The following OTOP1 variants were observed in gnomAD, a reference collection of about 807,000 sequenced individuals.
OTOP1 encodes otopetrin 1.
Under a neutral mutation model 52.9 loss-of-function variants are expected in OTOP1, and 59 were observed. That is an observed-to-expected ratio of 1.12 (90% confidence interval 0.91 to 1.39). OTOP1 has a LOEUF of 1.39. OTOP1 is among the 40% of genes most tolerant of loss of function. The probability of loss-of-function intolerance (pLI) is 0.00; values close to 1 mark genes in which losing one functional copy is unlikely to be tolerated. For synonymous variants in OTOP1, 317 were observed against 337.7 expected (o/e 0.94, Z 0.67); for missense variants, 761 against 800.9 (o/e 0.95, Z 0.60).
intron 4 of OTOP1, 55 bp downstream of exon 4, chr4:4,202,393 G>T: frequency 6.2e-7 from 1 of 1,607,300 alleles, no homozygotes; most frequent in Non-Finnish European, 8.5e-7. Flanking sequence ...GACTCTGCAG[G>T]TTTCCAAGAC....
intron 1 of OTOP1, among the ~76,000 whole-genome samples, chr4:4,223,746 C>G (rs1261139045): frequency 6.6e-6 from 1 of 151,582 alleles, no homozygotes; most frequent in Non-Finnish European, 1.5e-5. Flanking sequence ...CTAAAAAATA[C>G]AAAAATTAGC....
At chr4:4,191,740 C>T (rs1316000199) in intron 5 of OTOP1, among the ~76,000 whole-genome samples, 1 of 152,210 alleles carries the variant, frequency 6.6e-6, no homozygotes, top group Non-Finnish European at 1.5e-5. Flanking sequence ...CACAGGTACA[C>T]TATAAGGTGT....
At chr4:4,207,049 C>T (rs948741601) in intron 2 of OTOP1, among the ~76,000 whole-genome samples, 4 of 152,176 alleles carry the variant, frequency 2.6e-5, no homozygotes, top group Admixed American at 2.6e-4. Context: ...AATCTTTATT[C>T]TCTAGTTATA....
At chr4:4,195,950 C>T (rs746627822) in intron 5 of OTOP1, among the ~76,000 whole-genome samples, 2 of 152,164 alleles carry the variant, frequency 1.3e-5, no homozygotes, top group African/African-American at 2.4e-5. Flanking sequence ...TAGTACCCTG[C>T]CCAGCCCCTA....
chr4:4,220,105 AT>A lies in OTOP1; in HGVS notation c.403+6356del, dbSNP rs1183792130. 3.6e-3 allele frequency among the ~76,000 whole-genome samples: 213 copies of A among 59,386 alleles called. 1 individual carries two copies. Among genetic ancestry groups the A allele is most frequent in the Non-Finnish European group, 4.7e-3 (125 of 26,328 alleles). The allele number at this position is 59,386 out of a possible 152,430, so 39.0% of individuals were successfully genotyped here. A position where few individuals can be genotyped will look rare whatever the true frequency, so the allele number is the denominator to read the frequency against. On this transcript the variant is annotated intron_variant, in intron 1 of 5. Transcript: ENST00000296358. Reference sequence around the variant, plus strand: ...CATATATATATATATATATATATATATTTTTTTTTTTTTTGAGATGGAGTTT... The same window carrying A: ...CATATATATATATATATATATATATATTTTTTTTTTTTTGAGATGGAGTTT...
chr4:4,204,730 GTGTGTGTGTGTGTGTGT>G (rs1716861145), intron 3 of OTOP1, among the ~76,000 whole-genome samples: 1 of 18,328 alleles, frequency 5.5e-5, no homozygotes, highest in African/African-American at 3.4e-4. Context: ...GTGTGTGTGT[GTGTGTGTGTGTGTGTGT>G]GTGCGTGTGC....
At chr4:4,202,628 G>T (rs373344015) in intron 3 of OTOP1, 50 bp from the exon 4 acceptor site, 12 of 1,605,316 alleles carry the variant, frequency 7.5e-6, no homozygotes, top group Middle Eastern at 1.7e-4. Flanking sequence ...AGAGCCTCAG[G>T]CACCATGGGG....
chr4:4,223,409 AGATGGATGGATGGATG>A (rs35580858), intron 1 of OTOP1, among the ~76,000 whole-genome samples: 8 of 149,002 alleles, frequency 5.4e-5, no homozygotes, highest in Non-Finnish European at 7.4e-5. Context: ...ATGGACGGAC[AGATGGATGGATGGATG>A]GATGGATGGA....
chr4:4,225,059 C>T (rs1165627738), intron 1 of OTOP1, among the ~76,000 whole-genome samples: 1 of 152,226 alleles, frequency 6.6e-6, no homozygotes, highest in Non-Finnish European at 1.5e-5. Flanking sequence ...TGCCCAAGGT[C>T]ATGCATGCAA....
chr4:4,225,779 A>T (rs1307594370), intron 1 of OTOP1, among the ~76,000 whole-genome samples: 1 of 152,068 alleles, frequency 6.6e-6, no homozygotes. Context: ...AGAGACAGGG[A>T]TCACAGAGCT....
At chr4:4,217,094 A>G (rs897990171) in intron 1 of OTOP1, among the ~76,000 whole-genome samples, 6 of 152,204 alleles carry the variant, frequency 3.9e-5, no homozygotes, top group African/African-American at 1.2e-4. Flanking sequence ...TCAAGGGTTC[A>G]GGAATAAATA....
At chr4:4,207,851 G>C (rs190621275) in intron 2 of OTOP1, among the ~76,000 whole-genome samples, 1 of 152,302 alleles carries the variant, frequency 6.6e-6, no homozygotes, top group Admixed American at 6.5e-5. Context: ...TTTCATTACA[G>C]ATGATTTTGA....
intron 1 of OTOP1, among the ~76,000 whole-genome samples, chr4:4,224,302 G>A (rs552874395): frequency 2.7e-5 from 4 of 149,990 alleles, no homozygotes; most frequent in Non-Finnish European, 4.4e-5. Flanking sequence ...AGCCGAGATC[G>A]CACCATTGCA....
intron 5 of OTOP1, among the ~76,000 whole-genome samples, chr4:4,193,999 C>T (rs1716569613): frequency 6.6e-6 from 1 of 152,134 alleles, no homozygotes; most frequent in African/African-American, 2.4e-5. Flanking sequence ...ACCACCCTGA[C>T]CAACCTAGTG....
chr4:4,226,437 C>A (rs756830668), intron 1 of OTOP1, 25 bp downstream of exon 1: 1 of 1,408,470 alleles, frequency 7.1e-7, no homozygotes, highest in South Asian at 1.5e-5. Context: ...AGGCGGAGAC[C>A]CGCTCGCCCG....
At position 4,197,757 on chromosome 4, in the gene OTOP1, C is replaced by T. The variant is rs780470763; in HGVS notation, c.1077G>A (p.Met359Ile). ...MFYLYAITLL[M>I]LMGAAGLAGI... ...CAGCCAGCCCCGCAGCCCCCATAAG[C>T]ATCAGCAGGGTGATGGCATACAGGT... The change falls in exon 5 of 6, where the codon ATG becomes ATA. Residue 359 changes from methionine (M) to isoleucine (I), a missense_variant. Coordinates refer to ENST00000296358, the MANE Select transcript of OTOP1 (RefSeq NM_177998.3). 7.4e-6 allele frequency: 12 copies of T among 1,613,894 alleles called. No individual in the cohort carries two copies. The Admixed American group carries it at 1.8e-4, about 25-fold the overall frequency.
At position 4,197,254 on chromosome 4, in the gene OTOP1, G is replaced by A. The variant is rs201885059; in HGVS notation, c.1580C>T (p.Pro527Leu). The change falls in exon 5 of 6, where the codon CCA (proline) becomes CTA (leucine). Residue 527 changes from proline to leucine, a missense_variant. Pro to Leu is a moderately conservative substitution (Grantham distance 98, BLOSUM62 -3). Around this residue, in one of 3 missense-constraint regions of OTOP1, gnomAD observed 632 missense variants for 619.5 expected, o/e 1.02. Coordinates refer to ENST00000296358, the MANE Select transcript of OTOP1 (RefSeq NM_177998.3). The part of the protein sequence containing the change: ...EESSWGGSPS[P>L]VRLPRFLQGN... ...CTGTAAGAAACGGGGAAGGCGGACT[G>A]GGCTTGGGCTCCCTCCCCAGCTGCT... 7 of 1,614,056 alleles carry A rather than the reference G, an allele frequency of 4.3e-6. No homozygotes were observed. The African/African-American group carries it at 6.7e-5, about 15-fold the overall frequency.
chr4:4,203,872 G>T (rs1716841719), intron 3 of OTOP1, among the ~76,000 whole-genome samples: 1 of 152,206 alleles, frequency 6.6e-6, no homozygotes, highest in Non-Finnish European at 1.5e-5. Flanking sequence ...CTGCCTGGCT[G>T]GGTGGGGCAG....
intron 2 of OTOP1, among the ~76,000 whole-genome samples, chr4:4,211,924 T>C (rs1315420287): frequency 6.6e-6 from 1 of 152,192 alleles, no homozygotes; most frequent in Non-Finnish European, 1.5e-5. Flanking sequence ...CTATAGTTAA[T>C]AATATTGTAT....
Sources: allele counts gnomAD v4.1 joint callset (sites outside exome capture counted in the v4.1 genomes callset), GRCh38; gene constraint gnomAD v4.1.1; regional missense constraint gnomAD v4.1.1; transcripts MANE v1.5; gene names NCBI Gene and HGNC (gene_info 2026-07-23, HGNC 2026-07-21).